Variants in NUP93 observed in about 807,000 individuals in gnomAD.
The protein encoded by NUP93 is nuclear pore complex protein Nup93.
NUP93 carries 55 observed loss-of-function variants against 107.8 expected under a neutral mutation model. The observed-to-expected ratio is 0.51, with a 90% CI of 0.41 to 0.64. The LOEUF is 0.64. NUP93 is among the 30% of genes least tolerant of loss of function. The pLI is 0.00. For missense variants in NUP93, 937 were observed against 1,044.7 expected (o/e 0.90, Z 1.42); for synonymous variants, 390 against 397.5 (o/e 0.98, Z 0.22).
chr16:56,824,638 C>CA (rs2144616262), intron 8 of NUP93, among the ~76,000 whole-genome samples: 2 of 152,358 alleles, frequency 1.3e-5, no homozygotes, highest in South Asian at 4.1e-4. Flanking sequence ...CTGCACCTGC[C>CA]AGCAGCCTTG....
At chr16:56,796,218 A>C (rs1214227841) in intron 3 of NUP93, among the ~76,000 whole-genome samples, 1 of 152,248 alleles carries the variant, frequency 6.6e-6, no homozygotes, top group East Asian at 1.9e-4. Flanking sequence ...GTCAAGGACA[A>C]ACCCAAATAT....
chr16:56,835,838 C>T (rs1252592296), intron 16 of NUP93, among the ~76,000 whole-genome samples: 1 of 152,038 alleles, frequency 6.6e-6, no homozygotes, highest in Non-Finnish European at 1.5e-5. Context: ...TAAGAAATGT[C>T]CTGTTACCAG....
At chr16:56,840,014 G>C (rs1360400197) in intron 20 of NUP93, 1 of 176,988 alleles carries the variant, frequency 5.7e-6, no homozygotes, top group African/African-American at 2.4e-5. Flanking sequence ...TCCCTTATCT[G>C]TTTTGGGATT....
chr16:56,758,484 C>T, intron 2 of NUP93, 54 bp from the exon 3 acceptor site: 1 of 1,334,882 alleles, frequency 7.5e-7, no homozygotes, highest in Non-Finnish European at 1.1e-6. Flanking sequence ...ATGTCCTAAT[C>T]CTAATCCTAA....
intron 14 of NUP93, 31 bp downstream of exon 14, chr16:56,834,285 CT>C (rs1297530711): frequency 1.2e-6 from 2 of 1,613,274 alleles, no homozygotes; most frequent in African/African-American, 2.7e-5. Flanking sequence ...TTTACTTCAG[CT>C]AGTTTCAATT....
At chr16:56,832,168 A>G (rs1251535390) in intron 11 of NUP93, 127 bp from the exon 12 acceptor site, 2 of 1,225,652 alleles carry the variant, frequency 1.6e-6, no homozygotes, top group African/African-American at 1.5e-5. Context: ...TTCCCAGCTC[A>G]TAACCATAGC....
chr16:56,815,851 C>T (rs1963408866), intron 5 of NUP93, among the ~76,000 whole-genome samples: 1 of 150,536 alleles, frequency 6.6e-6, no homozygotes, highest in African/African-American at 2.5e-5. Flanking sequence ...CCAGGATTTC[C>T]AGCTACTACT....
chr16:56,752,767 A>G (rs970237359), intron 2 of NUP93, among the ~76,000 whole-genome samples: 2 of 152,358 alleles, frequency 1.3e-5, no homozygotes, highest in East Asian at 3.8e-4. Context: ...ACAGAGTCAC[A>G]GTAATTAAGA....
intron 6 of NUP93, 111 bp from the exon 7 acceptor site, chr16:56,821,393 C>T (rs1458608546): frequency 1.6e-5 from 11 of 700,354 alleles, no homozygotes; most frequent in South Asian, 3.4e-5. Context: ...TCAGCCACTC[C>T]GAGGAAGGAA....
intron 1 of NUP93, among the ~76,000 whole-genome samples, chr16:56,746,526 A>G (rs886257404): frequency 2.6e-5 from 4 of 152,388 alleles, no homozygotes; most frequent in South Asian, 4.1e-4. Context: ...TTGGAACTTC[A>G]TAAAGAATAC....
chr16:56,793,473 G>C (rs1436127408), intron 3 of NUP93, among the ~76,000 whole-genome samples: 3 of 152,174 alleles, frequency 2.0e-5, no homozygotes, highest in African/African-American at 7.2e-5. Flanking sequence ...CATCTCAGTG[G>C]CAGGGAGCCA....
chr16:56,783,005 T>A (rs547487938), intron 3 of NUP93, among the ~76,000 whole-genome samples: 1 of 152,352 alleles, frequency 6.6e-6, no homozygotes, highest in Admixed American at 6.5e-5. Context: ...CTAAGTCATG[T>A]AAGCATTATC....
Position 56,839,394 on chromosome 16 carries a change from GTA to G in NUP93, c.2137-126_2137-125del, listed in dbSNP as rs1963976903. 2.3e-5 allele frequency: 15 copies of G among 651,770 alleles called. No homozygotes were observed. In the South Asian group the frequency reaches 2.9e-4, roughly 13 times the overall value. The allele number at this position is 651,770 out of a possible 1,614,324, so 40.4% of individuals were successfully genotyped here. A position where few individuals can be genotyped will look rare whatever the true frequency, so the allele number is the denominator to read the frequency against. ...CTAGTTAGAATCAAAGCCTTTGTGT[GTA>G]CAAGGAGGAATGGCGTTTTCTATGA... is the stretch of plus-strand genomic sequence containing the variant. On this transcript the variant is annotated intron_variant, in intron 19 of 21. Coordinates refer to ENST00000308159, the MANE Select transcript of NUP93 (RefSeq NM_014669.5).
At chr16:56,733,213 T>A (rs12921489) in intron 1 of NUP93, among the ~76,000 whole-genome samples, 35,231 of 152,072 alleles carry the variant, frequency 0.23, 4,381 homozygotes, top group Non-Finnish European at 0.27. Context: ...GTGTCTGTTC[T>A]ATGGAGAGCA....
At chr16:56,769,641 A>G (rs1156793381) in intron 3 of NUP93, among the ~76,000 whole-genome samples, 1 of 152,168 alleles carries the variant, frequency 6.6e-6, no homozygotes, top group African/African-American at 2.4e-5. Flanking sequence ...TTTAGTTTCA[A>G]AATGCCAAAG....
chr16:56,825,205 C>CTTTTTTTTTT (rs34378384), intron 8 of NUP93, among the ~76,000 whole-genome samples: 1 of 76,344 alleles, frequency 1.3e-5, no homozygotes, highest in East Asian at 5.1e-4. Context: ...CCATACCCAG[C>CTTTTTTTTTT]TTTTTTTTTT....
At chr16:56,740,332 C>T (rs1244103084) in intron 1 of NUP93, among the ~76,000 whole-genome samples, 956 of 139,956 alleles carry the variant, frequency 6.8e-3, no homozygotes, top group Middle Eastern at 0.016. Context: ...CAGAGACGCT[C>T]CTCACCTCCC....
intron 16 of NUP93, 58 bp from the exon 17 acceptor site, chr16:56,836,543 A>G (rs914437149): frequency 1.7e-5 from 18 of 1,033,294 alleles, no homozygotes; most frequent in Non-Finnish European, 2.2e-5. Flanking sequence ...TGTGTTTAAA[A>G]TAATAGCTCT....
chr16:56,732,467 T>C (rs1961550610), intron 1 of NUP93, among the ~76,000 whole-genome samples: 1 of 152,210 alleles, frequency 6.6e-6, no homozygotes, highest in African/African-American at 2.4e-5. Context: ...CAGGGCTGTT[T>C]CTTAAAGGAG....
Sources: gnomAD v4.1 joint callset for allele counts (sites outside exome capture counted in the v4.1 genomes callset) on GRCh38, gnomAD v4.1.1 for gene constraint, MANE v1.5 for transcripts, NCBI Gene and HGNC (gene_info 2026-07-23, HGNC 2026-07-21) for gene names.